MAOB: variants seen among roughly 807,000 people sequenced by gnomAD.
MAOB encodes the protein amine oxidase [flavin-containing] B.
In MAOB, 15 loss-of-function variants were observed where a neutral mutation model predicts 41.9. The observed-to-expected ratio is 0.36, with a 90% CI of 0.24 to 0.55. The LOEUF (loss-of-function observed/expected upper bound fraction) is 0.55. Among genes scored for constraint, MAOB ranks in the 20% least tolerant of loss-of-function variants. The probability of loss-of-function intolerance (pLI) is 0.86; values close to 1 mark genes in which losing one functional copy is unlikely to be tolerated. For synonymous variants in MAOB, 167 were observed against 144.2 expected, an observed-to-expected ratio of 1.16 and a Z score of -1.13; for missense variants, 345 against 398.7, an observed-to-expected ratio of 0.87 and a Z score of 1.15.
intron 1 of MAOB, among the ~76,000 whole-genome samples, chrX:43,864,433 A>G (rs1206158965): frequency 9.0e-6 from 1 of 111,631 alleles, no homozygotes; most frequent in African/African-American, 3.3e-5. Flanking sequence ...ACATTTATGA[A>G]TGTGTCTTAA....
At chrX:43,780,094 A>C (rs1009643932) in intron 10 of MAOB, among the ~76,000 whole-genome samples, 1 of 111,707 alleles carries the variant, frequency 9.0e-6, no homozygotes, top group African/African-American at 3.3e-5. Flanking sequence ...ATAAATATTA[A>C]TTTGAATACT....
Position 43,767,996 on chromosome X carries a change from T to C in MAOB, c.1411-378A>G, listed in dbSNP as rs1017176657. Among the ~76,000 whole-genome samples the C allele has an allele frequency of 3.6e-5, 4 of 112,189 alleles. No homozygotes were observed. In the East Asian group the frequency reaches 1.1e-3, roughly 31 times the overall value. On this transcript the variant is annotated intron_variant, in intron 14 of 14. Coordinates refer to ENST00000378069, the MANE Select transcript of MAOB (RefSeq NM_000898.5). Reference sequence around the variant, plus strand: ...CACGTGTGCCATAAATACTTGTTAGTAAATGAATCAATGGTCCCTACAGCC... The same window carrying C: ...CACGTGTGCCATAAATACTTGTTAGCAAATGAATCAATGGTCCCTACAGCC...
At chrX:43,852,449 A>T (rs775803095) in intron 1 of MAOB, among the ~76,000 whole-genome samples, 1 of 112,556 alleles carries the variant, frequency 8.9e-6, no homozygotes, top group African/African-American at 3.2e-5. Context: ...ATGCATCAAA[A>T]ATCAAGAGAG....
At chrX:43,838,784 T>G in intron 3 of MAOB, 84 bp downstream of exon 3, 1 of 930,934 alleles carries the variant, frequency 1.1e-6, no homozygotes, top group Non-Finnish European at 1.4e-6. Context: ...ATATAGAAGA[T>G]TCTCTGAGAG....
At chrX:43,816,171 G>GGT (rs2034811876) in intron 3 of MAOB, among the ~76,000 whole-genome samples, 1 of 111,853 alleles carries the variant, frequency 8.9e-6, no homozygotes, top group Non-Finnish European at 1.9e-5. Flanking sequence ...ATTAATCTAT[G>GGT]GTGATAGAAG....
At chrX:43,807,835 C>T (rs1410458793) in intron 3 of MAOB, among the ~76,000 whole-genome samples, 1 of 112,234 alleles carries the variant, frequency 8.9e-6, no homozygotes, top group African/African-American at 3.2e-5. Context: ...ACAATATATG[C>T]TTGATATAAT....
chrX:43,835,653 G>T (rs1027723501), intron 3 of MAOB, among the ~76,000 whole-genome samples: 2 of 111,855 alleles, frequency 1.8e-5, no homozygotes, highest in Non-Finnish European at 3.8e-5. Flanking sequence ...AGCACACTAG[G>T]TGTTTAAAGA....
chrX:43,850,286 A>G (rs2035241752), intron 1 of MAOB: 1 of 691,568 alleles, frequency 1.4e-6, no homozygotes, highest in Admixed American at 8.9e-5. Context: ...TAAAATCAGA[A>G]TTTTTAAATT....
intron 12 of MAOB, among the ~76,000 whole-genome samples, chrX:43,771,182 T>C (rs2034177601): frequency 8.9e-6 from 1 of 112,372 alleles, no homozygotes; most frequent in Non-Finnish European, 1.9e-5. Context: ...GTTAACTTTA[T>C]GATGGTGTTA....
chrX:43,775,698 T>C (rs1321202028), intron 11 of MAOB, among the ~76,000 whole-genome samples: 1 of 111,807 alleles, frequency 8.9e-6, no homozygotes, highest in Non-Finnish European at 1.9e-5. Flanking sequence ...CATGTTTTGG[T>C]GGAGGTGAGC....
At chrX:43,880,576 TA>T (rs2035466902) in intron 1 of MAOB, among the ~76,000 whole-genome samples, 1 of 112,676 alleles carries the variant, frequency 8.9e-6, no homozygotes, top group South Asian at 3.6e-4. Context: ...GAACAATGCC[TA>T]TTCCGTGGAA....
At chrX:43,871,780 A>G (rs181329034) in intron 1 of MAOB, among the ~76,000 whole-genome samples, 6 of 110,149 alleles carry the variant, frequency 5.4e-5, no homozygotes, top group African/African-American at 2.0e-4. Context: ...TTTAGTGCAC[A>G]CCCTTATGTG....
chrX:43,805,789 A>C (rs1392218114), intron 3 of MAOB, among the ~76,000 whole-genome samples: 1 of 111,753 alleles, frequency 8.9e-6, no homozygotes, highest in Non-Finnish European at 1.9e-5. Flanking sequence ...GTCAATGCCT[A>C]GTAGTGGAAT....
intron 8 of MAOB, among the ~76,000 whole-genome samples, chrX:43,786,352 C>T (rs1338422902): frequency 9.0e-6 from 1 of 111,454 alleles, no homozygotes; most frequent in Non-Finnish European, 1.9e-5. Context: ...AAAGGACCTC[C>T]CCAACATGTG....
At chrX:43,853,884 C>T (rs955433672) in intron 1 of MAOB, among the ~76,000 whole-genome samples, 1 of 112,375 alleles carries the variant, frequency 8.9e-6, no homozygotes, top group African/African-American at 3.2e-5. Flanking sequence ...CCTCCAGAAC[C>T]ATATGACAAT....
At chrX:43,769,094 G>A (rs929421198) in intron 13 of MAOB, among the ~76,000 whole-genome samples, 3 of 111,675 alleles carry the variant, frequency 2.7e-5, no homozygotes, top group Non-Finnish European at 3.8e-5. Flanking sequence ...TGCCCCATGG[G>A]CTCTTTTTAC....
chrX:43,818,300 T>C (rs112874138), intron 3 of MAOB, among the ~76,000 whole-genome samples: 2,173 of 112,542 alleles, frequency 0.019, 71 homozygotes, highest in African/African-American at 0.065. Flanking sequence ...TTCCACTTTT[T>C]GGCTATTATG....
chrX:43,793,131 G>T lies in MAOB; in HGVS notation c.928+288C>A, dbSNP rs565086719. On this transcript the variant is annotated intron_variant, in intron 8 of 14. Coordinates refer to ENST00000378069, the MANE Select transcript of MAOB (RefSeq NM_000898.5). ...ACTTATAAGTGAGAGCTAAGCATGG[G>T]GTACATATGGATATAAAGATGAAAA... Among the ~76,000 whole-genome samples, 102 of 111,382 alleles carry T rather than the reference G, an allele frequency of 9.2e-4. 1 individual carries two copies. The highest frequency in any genetic ancestry group is 3.2e-3 in the African/African-American group (98 of 30,598).
intron 13 of MAOB, among the ~76,000 whole-genome samples, 167 bp downstream of exon 13, chrX:43,769,140 C>T (rs2034148560): frequency 1.8e-5 from 2 of 111,530 alleles, no homozygotes; most frequent in Admixed American, 9.5e-5. Flanking sequence ...ATTATTACTT[C>T]GGGCTAAGGT....
Sources: gnomAD v4.1 joint callset for allele counts (sites outside exome capture counted in the v4.1 genomes callset) on GRCh38, gnomAD v4.1.1 for gene constraint, MANE v1.5 for transcripts, NCBI Gene and HGNC (gene_info 2026-07-23, HGNC 2026-07-21) for gene names.